Variants in KIFC3 observed in about 807,000 individuals in gnomAD.
KIFC3 encodes kinesin-like protein KIFC3.
In KIFC3, 60 loss-of-function variants were observed where a neutral mutation model predicts 101.8. That is an observed-to-expected ratio of 0.59 (90% CI 0.48 to 0.73). The LOEUF (loss-of-function observed/expected upper bound fraction) is 0.73, where lower values mean the gene tolerates loss of function less well. Ranked by LOEUF, KIFC3 falls within the 30% of genes least tolerant of loss-of-function variation. The probability of loss-of-function intolerance (pLI) is 0.00; values close to 1 mark genes in which losing one functional copy is unlikely to be tolerated. For synonymous variants in KIFC3, 476 were observed against 482.7 expected (o/e 0.99, Z 0.18); for missense variants, 966 against 1,137.1 (o/e 0.85, Z 2.16).
intron 1 of KIFC3, chr16:57,816,359 G>A: frequency 2.2e-6 from 2 of 904,552 alleles, no homozygotes; most frequent in Non-Finnish European, 3.1e-6. Flanking sequence ...TGCCCCTCCT[G>A]GCTTCCTCTT....
chr16:57,788,837 C>CCACAAAGGGAGGGA, intron 3 of KIFC3: 5 of 893,154 alleles, frequency 5.6e-6, no homozygotes, highest in Non-Finnish European at 7.5e-6. Flanking sequence ...CCAGTCCCTC[C>CCACAAAGGGAGGGA]CTTTGTGGGT....
Position 57,802,323 on chromosome 16 carries a change from A to G in KIFC3, c.-40+47T>C, listed in dbSNP as rs2054786639. 2.2e-6 allele frequency: 2 copies of G among 920,362 alleles called. No homozygotes were observed. The highest frequency in any genetic ancestry group is 1.2e-4 in the Admixed American group (2 of 16,066). 57.0% of individuals were successfully genotyped at this position (920,362 alleles called of 1,614,324 possible). On this transcript the variant is annotated intron_variant, in intron 1 of 19. Transcript: ENST00000445690. The surrounding 1 kb of genome is among the most constrained non-coding windows in gnomAD (Gnocchi z 5.0). Reference sequence around the variant, plus strand: ...GCGCCCCAAACGGCGGGCCGGGCAGAGCCCAGCGCCCCGCTCGCACCCAGC... The same window carrying G: ...GCGCCCCAAACGGCGGGCCGGGCAGGGCCCAGCGCCCCGCTCGCACCCAGC...
At chr16:57,800,510 A>G (rs1487416207) in intron 1 of KIFC3, among the ~76,000 whole-genome samples, 2 of 152,240 alleles carry the variant, frequency 1.3e-5, no homozygotes, top group African/African-American at 4.8e-5. Context: ...AGGCAGGTCC[A>G]TCTGCAGTCT....
intron 4 of KIFC3, among the ~76,000 whole-genome samples, chr16:57,772,019 A>G (rs994332305): frequency 3.3e-5 from 5 of 152,136 alleles, no homozygotes; most frequent in African/African-American, 1.2e-4. Context: ...AATGTCAGCA[A>G]CAGAGAAGGA....
chr16:57,767,060 G>A, intron 9 of KIFC3, 75 bp from the exon 10 acceptor site: 1 of 1,150,146 alleles, frequency 8.7e-7, no homozygotes, highest in Non-Finnish European at 1.3e-6. Flanking sequence ...ACCCCTGAGG[G>A]GTGCTCACTG....
chr16:57,821,819 G>A (rs960972612), intron 1 of KIFC3, among the ~76,000 whole-genome samples: 13 of 152,146 alleles, frequency 8.5e-5, no homozygotes, highest in Non-Finnish European at 1.8e-4. Context: ...AGGCTGAGGT[G>A]GGAGGATGAC....
At chr16:57,850,967 TTCC>T (rs1168459703) in intron 1 of KIFC3, among the ~76,000 whole-genome samples, 23 of 9,500 alleles carry the variant, frequency 2.4e-3, no homozygotes, top group South Asian at 5.0e-3. Flanking sequence ...CCTTCCTTCC[TTCC>T]TTCCTTCCTT....
intron 1 of KIFC3, chr16:57,816,093 T>A (rs2055216650): frequency 1.3e-6 from 1 of 789,642 alleles, no homozygotes; most frequent in Admixed American, 3.6e-5. Flanking sequence ...AGGAAGGATG[T>A]GGTCAAATCC....
At chr16:57,802,900 C>T, upstream of KIFC3, 5 of 1,389,744 alleles carry the variant, frequency 3.6e-6, no homozygotes, top group Non-Finnish European at 4.9e-6. The surrounding 1 kb of genome is among the most constrained non-coding windows in gnomAD (Gnocchi z 5.0). Flanking sequence ...ACACTTCTCA[C>T]GCGGGCTCTC....
At chr16:57,838,372 T>A (rs568324882) in intron 1 of KIFC3, among the ~76,000 whole-genome samples, 58 of 152,282 alleles carry the variant, frequency 3.8e-4, no homozygotes, top group African/African-American at 1.4e-3. Flanking sequence ...AGCCACGCAA[T>A]TTTTGAGGAT....
At chr16:57,760,201 C>A (rs2049669923) in intron 17 of KIFC3, 81 bp downstream of exon 17, 2 of 1,510,084 alleles carry the variant, frequency 1.3e-6, no homozygotes, top group South Asian at 1.3e-5. Context: ...CAGGACGTCC[C>A]CGCCCAGCTC....
chr16:57,805,673 CT>C (rs5817120), upstream of KIFC3, among the ~76,000 whole-genome samples: 48,255 of 97,888 alleles, frequency 0.49, 11,589 homozygotes, highest in Non-Finnish European at 0.62. Context: ...TGCCCATAGA[CT>C]TTTTTTTTTT....
chr16:57,775,084 C>T, intron 3 of KIFC3: 1 of 1,496,968 alleles, frequency 6.7e-7, no homozygotes, highest in Non-Finnish European at 8.9e-7. Flanking sequence ...TACCCACCAG[C>T]CACCTGCCTG....
At chr16:57,859,753 G>A (rs2056254419) in intron 1 of KIFC3, among the ~76,000 whole-genome samples, 1 of 152,128 alleles carries the variant, frequency 6.6e-6, no homozygotes, top group Admixed American at 6.6e-5. Flanking sequence ...GCAGGGTGCA[G>A]TGACTCACTT....
intron 1 of KIFC3, among the ~76,000 whole-genome samples, chr16:57,840,821 G>C (rs1485173290): frequency 2.0e-5 from 3 of 150,444 alleles, no homozygotes; most frequent in African/African-American, 7.3e-5. Flanking sequence ...CCTCACCCCA[G>C]CTGTCACCAA....
At chr16:57,808,456 C>T (rs900386691) in intron 1 of KIFC3, among the ~76,000 whole-genome samples, 1 of 152,148 alleles carries the variant, frequency 6.6e-6, no homozygotes, top group African/African-American at 2.4e-5. Flanking sequence ...CCAGCACATG[C>T]GTTATTAACA....
intron 1 of KIFC3, 27 bp from the exon 2 acceptor site, chr16:57,798,309 C>T: frequency 6.5e-7 from 1 of 1,536,116 alleles, no homozygotes; most frequent in Non-Finnish European, 8.8e-7. Context: ...GGGAGATAAG[C>T]TTGAAGACCG....
Position 57,758,354 on chromosome 16 carries a change from C to G in KIFC3, c.*580G>C, listed in dbSNP as rs1021329716. 3.6e-6 allele frequency: 1 copy of G among 278,922 alleles called. No individual in the cohort carries two copies. Among genetic ancestry groups the G allele is most frequent in the Non-Finnish European group, 7.0e-6 (1 of 142,498 alleles). 17.3% of individuals were successfully genotyped at this position (278,922 alleles called of 1,614,324 possible). On this transcript the variant is annotated 3_prime_UTR_variant, in exon 20 of 20. Transcript: ENST00000445690. Reference sequence around the variant, plus strand: ...TGAGCGAGCAGCAGAATCCCCCACCCGCTGGCTGCCTCTGCCAGCCATAAA... The same window carrying G: ...TGAGCGAGCAGCAGAATCCCCCACCGGCTGGCTGCCTCTGCCAGCCATAAA...
chr16:57,853,116 C>T (rs1239033373), intron 1 of KIFC3, among the ~76,000 whole-genome samples: 5 of 151,920 alleles, frequency 3.3e-5, no homozygotes, highest in Admixed American at 3.3e-4. Context: ...AAATGGTATA[C>T]TAAAAGTATT....
Sources: allele counts gnomAD v4.1 joint callset (sites outside exome capture counted in the v4.1 genomes callset), GRCh38; gene constraint gnomAD v4.1.1; non-coding constraint Gnocchi (gnomAD v3.1); transcripts MANE v1.5; gene names NCBI Gene and HGNC (gene_info 2026-07-23, HGNC 2026-07-21).